EVL: variants seen among roughly 807,000 people sequenced by gnomAD.
EVL encodes the protein Enah/Vasp-like.
A neutral mutation model predicts 59.6 loss-of-function variants in EVL; 21 were observed. The observed-to-expected ratio is 0.35, with a 90% CI of 0.25 to 0.51. The LOEUF (loss-of-function observed/expected upper bound fraction) is 0.51, where lower values mean the gene tolerates loss of function less well. Ranked by LOEUF, EVL falls within the 20% of genes least tolerant of loss-of-function variation. The pLI is 0.97. For missense variants in EVL, 462 were observed against 546.6 expected (o/e 0.85, Z 1.54); for synonymous variants, 198 against 203.5 (o/e 0.97, Z 0.23).
intron 4 of EVL, among the ~76,000 whole-genome samples, chr14:100,124,390 TCTC>T (rs1261063466): frequency 6.6e-6 from 1 of 152,152 alleles, no homozygotes; most frequent in African/African-American, 2.4e-5. Context: ...CAAGACCTCC[TCTC>T]CTCTGGCCTT....
intron 1 of EVL, among the ~76,000 whole-genome samples, chr14:100,057,284 G>A (rs1389329171): frequency 1.3e-5 from 2 of 152,156 alleles, no homozygotes; most frequent in African/African-American, 2.4e-5. Flanking sequence ...AAGATTATAT[G>A]TAGCATAGTG....
rs1171193472 is a variant in EVL, at chr14:100,109,674, G to C, written c.358+12016G>C. On this transcript the variant is annotated intron_variant, in intron 3 of 13. Coordinates refer to ENST00000392920, the MANE Select transcript of EVL (RefSeq NM_016337.3). The surrounding 1 kb of genome is among the most constrained non-coding windows in gnomAD (Gnocchi z 4.3). The stretch of plus-strand genomic sequence containing the variant: ...ACCTGTGAAACTGGGCTCAAGGTGA[G>C]GGGTGCTATCTGTGATTGAGGGACA... 1.7e-5 allele frequency: 9 copies of C among 532,180 alleles called. No individual in the cohort carries two copies. The highest frequency in any genetic ancestry group is 1.3e-4 in the South Asian group (9 of 70,636). 33.0% of individuals were successfully genotyped at this position (532,180 alleles called of 1,614,324 possible). A position where few individuals can be genotyped will look rare whatever the true frequency, so the allele number is the denominator to read the frequency against.
intron 1 of EVL, among the ~76,000 whole-genome samples, chr14:100,058,447 T>G (rs2140258352): frequency 6.6e-6 from 1 of 152,326 alleles, no homozygotes; most frequent in Middle Eastern, 3.4e-3. Context: ...ACCTACTACC[T>G]AAGCAGTATA....
intron 1 of EVL, among the ~76,000 whole-genome samples, chr14:100,006,956 T>A (rs1357131919): frequency 6.6e-6 from 1 of 152,124 alleles, no homozygotes; most frequent in Non-Finnish European, 1.5e-5. Context: ...CTCAAGCTGG[T>A]ACAAGCACCA....
At chr14:99,992,335 A>G (rs1444785417) in intron 1 of EVL, among the ~76,000 whole-genome samples, 1 of 152,124 alleles carries the variant, frequency 6.6e-6, no homozygotes, top group Non-Finnish European at 1.5e-5. Context: ...AGTCCCTTAT[A>G]TATTCTGGAT....
chr14:100,023,162 C>T (rs979965122), intron 1 of EVL, among the ~76,000 whole-genome samples: 10 of 150,890 alleles, frequency 6.6e-5, no homozygotes, highest in African/African-American at 2.2e-4. Context: ...CTAGCTGGCT[C>T]TTGGGGTAGA....
chr14:100,014,780 A>G (rs1193597717), intron 1 of EVL, among the ~76,000 whole-genome samples: 1 of 152,206 alleles, frequency 6.6e-6, no homozygotes, highest in Admixed American at 6.5e-5. Context: ...GGTAGAGGCT[A>G]GAAGGGTCTT....
chr14:100,105,516 C>T (rs1201887684), intron 3 of EVL, among the ~76,000 whole-genome samples: 1 of 151,570 alleles, frequency 6.6e-6, no homozygotes, highest in Non-Finnish European at 1.5e-5. Context: ...CCAGGCAAGG[C>T]GCCCTTCAGG....
rs1263900654 is a variant in EVL, at chr14:100,127,729, G to A, written c.488-790G>A. Among the ~76,000 whole-genome samples, 2 of 152,194 alleles carry A rather than the reference G, an allele frequency of 1.3e-5. No individual in the cohort carries two copies. Among genetic ancestry groups the A allele is most frequent in the East Asian group, 1.9e-4 (1 of 5,194 alleles). ...GCTCCACAGTCACTTCCGTGAGGAC[G>A]TCATGGAGGACGTCCGTCTTCCATG... On this transcript the variant is annotated intron_variant, in intron 5 of 13. Coordinates refer to ENST00000392920, the MANE Select transcript of EVL (RefSeq NM_016337.3). The surrounding 1 kb of genome is among the most constrained non-coding windows in gnomAD (Gnocchi z 4.2).
chr14:99,977,592 G>A (rs1270343382), intron 1 of EVL, among the ~76,000 whole-genome samples: 2 of 151,946 alleles, frequency 1.3e-5, no homozygotes, highest in Non-Finnish European at 2.9e-5. Flanking sequence ...CCGCCACTAC[G>A]CGCGGCTAAT....
At chr14:100,079,444 T>C (rs191748290) in intron 1 of EVL, among the ~76,000 whole-genome samples, 4 of 152,258 alleles carry the variant, frequency 2.6e-5, no homozygotes, top group African/African-American at 9.6e-5. Flanking sequence ...GTTCCTGCCT[T>C]CAAGGAGCTC....
chr14:100,129,328 G>A (rs958229703), intron 6 of EVL, among the ~76,000 whole-genome samples: 1 of 150,546 alleles, frequency 6.6e-6, no homozygotes, highest in African/African-American at 2.4e-5. Flanking sequence ...TGAGTCTGCA[G>A]GCCTGGGGAG....
At chr14:100,097,309 G>A (rs1885882608) in intron 2 of EVL, among the ~76,000 whole-genome samples, 172 bp from the exon 3 acceptor site, 2 of 152,090 alleles carry the variant, frequency 1.3e-5, no homozygotes. Context: ...AACCCTCACT[G>A]TTCTATAGAT....
chr14:100,003,716 G>A (rs1166791759), intron 1 of EVL, among the ~76,000 whole-genome samples: 2 of 152,024 alleles, frequency 1.3e-5, no homozygotes, highest in Non-Finnish European at 2.9e-5. Flanking sequence ...CCCACACCTG[G>A]CCGATAACCT....
chr14:100,055,214 T>A (rs2061709382), intron 1 of EVL, among the ~76,000 whole-genome samples: 1 of 148,642 alleles, frequency 6.7e-6, no homozygotes, highest in African/African-American at 2.5e-5. Flanking sequence ...AAAAAAAAAA[T>A]CTGTGTCCTC....
chr14:100,056,467 A>G (rs897517412), intron 1 of EVL, among the ~76,000 whole-genome samples: 11 of 152,178 alleles, frequency 7.2e-5, no homozygotes, highest in Admixed American at 6.5e-4. Flanking sequence ...TTGTGTCTCC[A>G]AAGACATTTA....
chr14:100,126,352 G>A (rs937892169), intron 4 of EVL, among the ~76,000 whole-genome samples: 1 of 152,232 alleles, frequency 6.6e-6, no homozygotes, highest in African/African-American at 2.4e-5. Flanking sequence ...AAGAACAGGC[G>A]TTCCTGAGGC....
intron 1 of EVL, among the ~76,000 whole-genome samples, chr14:100,010,507 T>C (rs576039948): frequency 6.6e-6 from 1 of 152,308 alleles, no homozygotes; most frequent in African/African-American, 2.4e-5. Context: ...ACAATTCTCC[T>C]ACCTCAGCCT....
At position 100,114,526 on chromosome 14, in the gene EVL, G is replaced by C. The variant is rs1016009158; in HGVS notation, c.359-9013G>C. The C allele has an allele frequency of 2.0e-5, 3 of 152,338 alleles. No homozygotes were observed. The highest frequency in any genetic ancestry group is 4.4e-5 in the Non-Finnish European group (3 of 68,126). 9.4% of individuals were successfully genotyped at this position (152,338 alleles called of 1,614,324 possible). On this transcript the variant is annotated intron_variant, in intron 3 of 13. Coordinates refer to ENST00000392920, the MANE Select transcript of EVL (RefSeq NM_016337.3). The surrounding 1 kb of genome is among the most constrained non-coding windows in gnomAD (Gnocchi z 5.0). The stretch of plus-strand genomic sequence containing the variant: ...CCTCATTAAAGATTGAGGTGGGGAA[G>C]CCCACTTGATGGCTGGAAGGCGTAT...
Sources: gnomAD v4.1 joint callset for allele counts (sites outside exome capture counted in the v4.1 genomes callset) on GRCh38, gnomAD v4.1.1 for gene constraint, Gnocchi (gnomAD v3.1) non-coding constraint, MANE v1.5 for transcripts, NCBI Gene and HGNC (gene_info 2026-07-23, HGNC 2026-07-21) for gene names.